Variants in SLC39A11 observed in about 807,000 individuals in gnomAD.
SLC39A11 encodes the protein zinc transporter ZIP11.
Under a neutral mutation model 36.1 loss-of-function variants are expected in SLC39A11, and 33 were observed. The ratio of observed to expected loss-of-function variants is 0.91; its 90% CI spans 0.69 to 1.22. SLC39A11 has a LOEUF of 1.22. Among genes scored for constraint, SLC39A11 ranks in the 50% most tolerant of loss-of-function variants. The pLI is 0.00. For missense variants in SLC39A11, 432 were observed against 430.3 expected, an observed-to-expected ratio of 1.00 and a Z score of -0.03; for synonymous variants, 166 against 170.3, an observed-to-expected ratio of 0.97 and a Z score of 0.20.
At chr17:72,692,603 C>T (rs1361276306) in intron 7 of SLC39A11, among the ~76,000 whole-genome samples, 1 of 152,308 alleles carries the variant, frequency 6.6e-6, no homozygotes, top group South Asian at 2.1e-4. Flanking sequence ...ACAGGAAAGA[C>T]CAGCTGCTAT....
At chr17:73,068,020 C>T in intron 3 of SLC39A11, 1 of 1,592,058 alleles carries the variant, frequency 6.3e-7, no homozygotes, top group Non-Finnish European at 8.6e-7. Context: ...GTTTAAGAAA[C>T]TTTTTGATGA....
At chr17:72,660,863 G>A (rs1366247076) in intron 7 of SLC39A11, among the ~76,000 whole-genome samples, 1 of 152,214 alleles carries the variant, frequency 6.6e-6, no homozygotes, top group African/African-American at 2.4e-5. Flanking sequence ...CCTCTCAGCT[G>A]TGACAACCAA....
At chr17:72,849,600 G>A in intron 6 of SLC39A11, 34 bp downstream of exon 6, 1 of 1,463,774 alleles carries the variant, frequency 6.8e-7, no homozygotes, top group Non-Finnish European at 9.1e-7. Flanking sequence ...TTACCTTCAG[G>A]CAGTGGCTGT....
chr17:72,648,693 A>AG, intron 9 of SLC39A11, 110 bp downstream of exon 9: 3 of 1,312,792 alleles, frequency 2.3e-6, no homozygotes, highest in Non-Finnish European at 3.2e-6. Flanking sequence ...AGGGGCAGAG[A>AG]GGGGGAGGGA....
intron 4 of SLC39A11, among the ~76,000 whole-genome samples, chr17:72,960,722 G>A (rs2086556397): frequency 6.6e-6 from 1 of 151,996 alleles, no homozygotes; most frequent in African/African-American, 2.4e-5. Context: ...GAGGCAGGAG[G>A]ATCGCTTGGG....
intron 3 of SLC39A11, among the ~76,000 whole-genome samples, chr17:73,057,420 A>T (rs1305536376): frequency 6.6e-6 from 1 of 152,126 alleles, no homozygotes; most frequent in African/African-American, 2.4e-5. Context: ...TTCTGACCGC[A>T]CCTTTTCTCT....
At chr17:73,069,033 C>T (rs991260404) in intron 3 of SLC39A11, among the ~76,000 whole-genome samples, 6 of 152,110 alleles carry the variant, frequency 3.9e-5, no homozygotes, top group African/African-American at 9.7e-5. Context: ...CCCAACCAAA[C>T]GAATAACTAT....
chr17:72,754,445 T>C (rs558573369), intron 6 of SLC39A11, among the ~76,000 whole-genome samples: 13 of 152,200 alleles, frequency 8.5e-5, no homozygotes, highest in African/African-American at 2.9e-4. Context: ...CCTATGGAAT[T>C]TTTTTAAAAA....
At chr17:72,785,755 G>A (rs540682913) in intron 6 of SLC39A11, among the ~76,000 whole-genome samples, 8 of 152,292 alleles carry the variant, frequency 5.3e-5, no homozygotes, top group African/African-American at 1.9e-4. Flanking sequence ...TTTATTCCAT[G>A]TGTTTTTCTC....
At chr17:72,662,168 T>C (rs2070453965) in intron 7 of SLC39A11, among the ~76,000 whole-genome samples, 1 of 151,920 alleles carries the variant, frequency 6.6e-6, no homozygotes, top group Admixed American at 6.6e-5. Flanking sequence ...ACTCAGGAGA[T>C]GGGTGGGAGG....
intron 7 of SLC39A11, among the ~76,000 whole-genome samples, chr17:72,668,259 C>G (rs772613013): frequency 6.6e-6 from 1 of 151,658 alleles, no homozygotes; most frequent in Admixed American, 6.6e-5. Context: ...CTAGCACATA[C>G]CTGGTGGGCT....
intron 6 of SLC39A11, among the ~76,000 whole-genome samples, chr17:72,836,778 C>T (rs1864680): frequency 0.44 from 67,198 of 151,818 alleles, 15,697 homozygotes; most frequent in East Asian, 0.74. Flanking sequence ...CAGCCTTTAG[C>T]ATTATTGGTA....
intron 5 of SLC39A11, among the ~76,000 whole-genome samples, chr17:72,902,288 GA>G (rs76125508): frequency 0.015 from 2,181 of 141,008 alleles, 49 homozygotes; most frequent in African/African-American, 0.05. Flanking sequence ...AAATAAAAAG[GA>G]AAAAAAAAAA....
intron 5 of SLC39A11, among the ~76,000 whole-genome samples, chr17:72,860,438 T>A (rs187966962): frequency 6.6e-6 from 1 of 152,326 alleles, no homozygotes; most frequent in East Asian, 1.9e-4. Context: ...CACATGCAGA[T>A]TAAAAGTTGG....
At chr17:72,706,100 G>C (rs1225682624) in intron 7 of SLC39A11, among the ~76,000 whole-genome samples, 1 of 152,186 alleles carries the variant, frequency 6.6e-6, no homozygotes, top group Non-Finnish European at 1.5e-5. Context: ...GGACCTGCTG[G>C]AACCGGCAAA....
At chr17:72,673,558 T>A (rs1393425399) in intron 7 of SLC39A11, among the ~76,000 whole-genome samples, 1 of 151,268 alleles carries the variant, frequency 6.6e-6, no homozygotes, top group Non-Finnish European at 1.5e-5. Context: ...TTTGCACAGT[T>A]TTTTTTTTCT....
chr17:72,975,973 A>T (rs2148107714), intron 4 of SLC39A11, among the ~76,000 whole-genome samples: 1 of 151,868 alleles, frequency 6.6e-6, no homozygotes, highest in African/African-American at 2.4e-5. Context: ...GATTGAGACT[A>T]TCCTGGCTGA....
intron 6 of SLC39A11, among the ~76,000 whole-genome samples, chr17:72,750,189 C>A (rs1447582067): frequency 6.6e-6 from 1 of 152,186 alleles, no homozygotes; most frequent in Non-Finnish European, 1.5e-5. Flanking sequence ...TCTCACATCC[C>A]CAGGAAGTGG....
chr17:72,844,188 C>A (rs1173582806), intron 6 of SLC39A11, among the ~76,000 whole-genome samples: 1 of 152,150 alleles, frequency 6.6e-6, no homozygotes, highest in Non-Finnish European at 1.5e-5. Context: ...TCCAAACAGG[C>A]TCTTAAAATG....
Sources: gnomAD v4.1 joint callset for allele counts (sites outside exome capture counted in the v4.1 genomes callset) on GRCh38, gnomAD v4.1.1 for gene constraint, MANE v1.5 for transcripts, NCBI Gene and HGNC (gene_info 2026-07-23, HGNC 2026-07-21) for gene names.